Variants in YWHAG observed in about 807,000 individuals in gnomAD.
YWHAG encodes the protein 14-3-3 protein gamma.
In YWHAG, 1 loss-of-function variant was observed where a neutral mutation model predicts 23.3. The ratio of observed to expected loss-of-function variants is 0.04; its 90% CI spans 0.02 to 0.20. YWHAG has a LOEUF of 0.20. YWHAG is among the 10% of genes least tolerant of loss of function. YWHAG has a pLI of 1.00. For synonymous variants in YWHAG, 160 were observed against 144.0 expected (o/e 1.11, Z -0.80); for missense variants, 151 against 338.6 (o/e 0.45, Z 4.35).
At chr7:76,338,908 G>A (rs113177579) in intron 1 of YWHAG, among the ~76,000 whole-genome samples, 1,984 of 152,270 alleles carry the variant, frequency 0.013, 21 homozygotes, top group South Asian at 0.027. Context: ...ATTTCTAGAA[G>A]GGTCTCAAAA....
chr7:76,338,420 G>A (rs936631621), intron 1 of YWHAG, among the ~76,000 whole-genome samples: 6 of 152,076 alleles, frequency 3.9e-5, no homozygotes, highest in Admixed American at 2.0e-4. Context: ...GGCTGACAGC[G>A]CCAAGTCCCA....
At chr7:76,333,755 C>T (rs1803578322) in intron 1 of YWHAG, among the ~76,000 whole-genome samples, 1 of 152,250 alleles carries the variant, frequency 6.6e-6, no homozygotes, top group Non-Finnish European at 1.5e-5. Flanking sequence ...AGACAAACCG[C>T]CCCGCGGTGC....
At chr7:76,335,899 G>A (rs73140051) in intron 1 of YWHAG, among the ~76,000 whole-genome samples, 45,353 of 152,056 alleles carry the variant, frequency 0.3, 6,952 homozygotes, top group East Asian at 0.44. Context: ...ACAGTGAGAC[G>A]AGATGGAGCC....
intron 1 of YWHAG, among the ~76,000 whole-genome samples, chr7:76,355,095 T>A (rs1272869006): frequency 6.6e-6 from 1 of 152,226 alleles, no homozygotes; most frequent in African/African-American, 2.4e-5. Flanking sequence ...CGGCATCACT[T>A]TTTAAAAATA....
At chr7:76,347,875 C>A (rs1295072864) in intron 1 of YWHAG, among the ~76,000 whole-genome samples, 1 of 152,202 alleles carries the variant, frequency 6.6e-6, no homozygotes, top group Non-Finnish European at 1.5e-5. Context: ...AGACTCCAAA[C>A]AGCAAAACTA....
chr7:76,345,512 T>C lies in YWHAG; in HGVS notation c.87+13210A>G, dbSNP rs555266090. Among the ~76,000 whole-genome samples the C allele has an allele frequency of 2.7e-4, 41 of 151,734 alleles. 1 individual carries two copies. In the South Asian group the frequency reaches 7.2e-3, roughly 27 times the overall value. On this transcript the variant is annotated intron_variant, in intron 1 of 1. Transcript: ENST00000307630. ...AGCCTTTCTTCCAAAAGTAGCTGCA[T>C]TGATCACTGCCTCCTTTGTTGAGTG...
intron 1 of YWHAG, among the ~76,000 whole-genome samples, chr7:76,352,652 C>T (rs892395381): frequency 4.1e-5 from 6 of 144,964 alleles, no homozygotes; most frequent in African/African-American, 1.3e-4. Context: ...ACAACCAAAA[C>T]TTTTTTTTTT....
rs117711036 is a variant in YWHAG, at chr7:76,337,265, C to T, written c.88-7032G>A. Among the ~76,000 whole-genome samples, 198 of 152,224 alleles carry T rather than the reference C, an allele frequency of 1.3e-3. 7 individuals are homozygous for T. The East Asian group carries it at 0.034, about 26-fold the overall frequency. On this transcript the variant is annotated intron_variant, in intron 1 of 1. Coordinates refer to ENST00000307630, the MANE Select transcript of YWHAG (RefSeq NM_012479.4). ...CCTGATAAAGATGGCTCACTGTTGCCAATCTGTTGGTACAAACGATCTGGT... is the reference window on the plus strand; with the variant it reads ...CCTGATAAAGATGGCTCACTGTTGCTAATCTGTTGGTACAAACGATCTGGT...
intron 1 of YWHAG, among the ~76,000 whole-genome samples, chr7:76,333,213 ACC>A (rs1803571048): frequency 1.3e-5 from 2 of 151,910 alleles, no homozygotes; most frequent in Non-Finnish European, 2.9e-5. Context: ...CAAGTGATCC[ACC>A]CACCTTAGCC....
intron 1 of YWHAG, among the ~76,000 whole-genome samples, chr7:76,331,704 T>C (rs1803544848): frequency 6.6e-6 from 1 of 152,122 alleles, no homozygotes; most frequent in Non-Finnish European, 1.5e-5. Context: ...GACTTTTTTT[T>C]CTATGTTTGA....
At chr7:76,335,961 C>G (rs888234859) in intron 1 of YWHAG, among the ~76,000 whole-genome samples, 2 of 151,862 alleles carry the variant, frequency 1.3e-5, no homozygotes, top group African/African-American at 4.8e-5. Context: ...CCCACCACAC[C>G]CCCCAAAAAA....
intron 1 of YWHAG, among the ~76,000 whole-genome samples, chr7:76,336,075 C>G (rs1331968427): frequency 6.6e-6 from 1 of 152,210 alleles, no homozygotes; most frequent in East Asian, 1.9e-4. Context: ...CATGCACCAC[C>G]TCACCCAACA....
Position 76,329,516 on chromosome 7 carries a change from TG to T in YWHAG, c.*60del. On this transcript the variant is annotated 3_prime_UTR_variant, in exon 2 of 2. Transcript: ENST00000307630. The surrounding 1 kb of genome is among the most constrained non-coding windows in gnomAD (Gnocchi z 6.1). ...CCTCCCCCACCCGACCCCCAACTCA[TG>T]GGAAAAAAATAAAGACTGCAGTAGT... 1.6e-6 allele frequency: 1 copy of T among 640,282 alleles called. No homozygotes were observed. Among genetic ancestry groups the T allele is most frequent in the Non-Finnish European group, 2.5e-6 (1 of 406,598 alleles). The allele number at this position is 640,282 out of a possible 1,614,324, so 39.7% of individuals were successfully genotyped here. A position where few individuals can be genotyped will look rare whatever the true frequency, so the allele number is the denominator to read the frequency against.
chr7:76,335,205 G>C (rs1460324520), intron 1 of YWHAG, among the ~76,000 whole-genome samples: 1 of 152,120 alleles, frequency 6.6e-6, no homozygotes, highest in Non-Finnish European at 1.5e-5. Flanking sequence ...TTACAGGCGT[G>C]TGCCACTACG....
intron 1 of YWHAG, among the ~76,000 whole-genome samples, chr7:76,346,473 C>T (rs902255488): frequency 3.3e-5 from 5 of 152,232 alleles, no homozygotes; most frequent in African/African-American, 9.6e-5. Context: ...TGTTTCTTTG[C>T]TTACACTGTG....
At chr7:76,334,708 G>A (rs1803592749) in intron 1 of YWHAG, among the ~76,000 whole-genome samples, 1 of 150,424 alleles carries the variant, frequency 6.6e-6, no homozygotes, top group Admixed American at 6.7e-5. Context: ...GAGCCATTCT[G>A]CCTAACCTTC....
Position 76,358,855 on chromosome 7 carries a change from G to A in YWHAG, c.-47C>T. On this transcript the variant is annotated 5_prime_UTR_variant, in exon 1 of 2. Coordinates refer to ENST00000307630, the MANE Select transcript of YWHAG (RefSeq NM_012479.4). ...CGGAGAAGGAGGAGGACACTGGGGCGGCCTGAAGGGCTTGGAGGGCGCGAC... is the reference window on the plus strand; with the variant it reads ...CGGAGAAGGAGGAGGACACTGGGGCAGCCTGAAGGGCTTGGAGGGCGCGAC... 6.5e-7 allele frequency: 1 copy of A among 1,548,542 alleles called. No individual in the cohort carries two copies. Among genetic ancestry groups the A allele is most frequent in the Non-Finnish European group, 8.7e-7 (1 of 1,143,216 alleles).
intron 1 of YWHAG, among the ~76,000 whole-genome samples, chr7:76,353,949 T>C (rs1803911076): frequency 6.6e-6 from 1 of 151,616 alleles, no homozygotes; most frequent in South Asian, 2.1e-4. Context: ...AGCATGCTCC[T>C]GTAGTCCCAA....
At chr7:76,332,147 C>T (rs921494075) in intron 1 of YWHAG, among the ~76,000 whole-genome samples, 3 of 152,156 alleles carry the variant, frequency 2.0e-5, no homozygotes, top group Non-Finnish European at 4.4e-5. Context: ...GAAACAGACT[C>T]AAAAGAGGGG....
Sources: allele counts gnomAD v4.1 joint callset (sites outside exome capture counted in the v4.1 genomes callset), GRCh38; gene constraint gnomAD v4.1.1; non-coding constraint Gnocchi (gnomAD v3.1); transcripts MANE v1.5; gene names NCBI Gene and HGNC (gene_info 2026-07-23, HGNC 2026-07-21).